Variants in KCNG4 observed in about 807,000 individuals in gnomAD.
KCNG4 encodes the protein potassium voltage-gated channel modifier subfamily G member 4.
KCNG4 carries 30 observed loss-of-function variants against 28.2 expected under a neutral mutation model. The observed-to-expected ratio is 1.06, with a 90% CI of 0.80 to 1.44. The LOEUF (loss-of-function observed/expected upper bound fraction) is 1.44, where lower values mean the gene tolerates loss of function less well. KCNG4 is among the 40% of genes most tolerant of loss of function. KCNG4 has a pLI of 0.00. For synonymous variants in KCNG4, 375 were observed against 315.5 expected, an observed-to-expected ratio of 1.19 and a Z score of -2.00; for missense variants, 879 against 712.3, an observed-to-expected ratio of 1.23 and a Z score of -2.66.
At position 84,222,135 on chromosome 16, in the gene KCNG4, G is replaced by A. The variant is rs1904576364; in HGVS notation, c.*82C>T. The A allele has an allele frequency of 1.4e-6, 2 of 1,383,640 alleles. No homozygotes were observed. The highest frequency in any genetic ancestry group is 1.4e-5 in the African/African-American group (1 of 70,182). The allele number at this position is 1,383,640 out of a possible 1,614,324, so 85.7% of individuals were successfully genotyped here. ...CCCTGGGCTCTAGAAACACCACCAGGTGGTCTATGCGGGGTACCCTTGAGT... is the reference window on the plus strand; with the variant it reads ...CCCTGGGCTCTAGAAACACCACCAGATGGTCTATGCGGGGTACCCTTGAGT... On this transcript the variant is annotated 3_prime_UTR_variant, in exon 3 of 3. Coordinates refer to ENST00000308251, the MANE Select transcript of KCNG4 (RefSeq NM_172347.3).
Position 84,237,260 on chromosome 16 carries a change from T to C in KCNG4, c.226A>G (p.Thr76Ala), listed in dbSNP as rs772226047. 1.2e-6 allele frequency: 2 copies of C among 1,613,440 alleles called. No homozygotes were observed. Among genetic ancestry groups the C allele is most frequent in the East Asian group, 2.2e-5 (1 of 44,860 alleles). The change falls in exon 2 of 3, where the codon ACA (threonine) becomes GCA (alanine). Residue 76 changes from threonine (T) to alanine (A), a missense_variant. Transcript: ENST00000308251. The stretch of plus-strand genomic sequence containing the variant: ...CGGCTCAGCGGGAACCGGTCCAGTG[T>C]GCTCCAGGGGAGGAGATACCTCCTG... ...GGRRYLLPWS[T>A]LDRFPLSRLS...
chr16:84,230,144 C>T (rs987697664), intron 2 of KCNG4, among the ~76,000 whole-genome samples: 1 of 152,114 alleles, frequency 6.6e-6, no homozygotes, highest in South Asian at 2.1e-4. Context: ...GTGGCTCAGG[C>T]CTATAATCCC....
At position 84,218,745 on chromosome 16, in the gene KCNG4, G is replaced by C. The variant is rs1904488156; in HGVS notation, c.*3472C>G. The C allele has an allele frequency of 6.6e-6, 1 of 152,214 alleles. No homozygotes were observed. Among genetic ancestry groups the C allele is most frequent in the Non-Finnish European group, 1.5e-5 (1 of 68,036 alleles). 9.4% of individuals were successfully genotyped at this position (152,214 alleles called of 1,614,324 possible). A position where few individuals can be genotyped will look rare whatever the true frequency, so the allele number is the denominator to read the frequency against. On this transcript the variant is annotated 3_prime_UTR_variant, in exon 3 of 3. Transcript: ENST00000308251. ...ATTCCAATTTTCCATGTCTAATTTA[G>C]CAGAGAATCTCAACTGGGTGAACAT...
In KCNG4 at chr16:84,230,488, C is replaced by T. The variant is rs574906803; in HGVS notation, c.756+6242G>A. The stretch of plus-strand genomic sequence containing the variant: ...TCAGGAGGCTGAGGCAGGAGAATGG[C>T]GTGAACCCGGGGGGCAGAGCTTACA... On this transcript the variant is annotated intron_variant, in intron 2 of 2. Transcript: ENST00000308251. Among the ~76,000 whole-genome samples the T allele has an allele frequency of 5.1e-4, 77 of 150,152 alleles. 1 individual carries two copies. The South Asian group carries it at 0.014, about 27-fold the overall frequency.
chr16:84,238,615 G>A (rs1449364653), intron 1 of KCNG4, among the ~76,000 whole-genome samples: 1 of 152,212 alleles, frequency 6.6e-6, no homozygotes, highest in African/African-American at 2.4e-5. Flanking sequence ...GTTCATGCCT[G>A]TAATCCCAGC....
At chr16:84,230,798 C>T (rs1567625858) in intron 2 of KCNG4, among the ~76,000 whole-genome samples, 1 of 152,326 alleles carries the variant, frequency 6.6e-6, no homozygotes, top group South Asian at 2.1e-4. Context: ...CCCTGAAAGC[C>T]CCAGGCAATG....
Position 84,226,981 on chromosome 16 carries a change from T to A in KCNG4, c.757-3961A>T, listed in dbSNP as rs1904712556. Among the ~76,000 whole-genome samples the A allele has an allele frequency of 6.6e-6, 1 of 152,136 alleles. No homozygotes were observed. Among genetic ancestry groups the A allele is most frequent in the Admixed American group, 6.5e-5 (1 of 15,286 alleles). ...GTTCCTTATATTATTCTATTTACCT[T>A]GTAAATGTCTGAAGTTCTCCATGAT... On this transcript the variant is annotated intron_variant, in intron 2 of 2. Coordinates refer to ENST00000308251, the MANE Select transcript of KCNG4 (RefSeq NM_172347.3). This position sits in a 1 kb window ranked among gnomAD's most constrained non-coding sequence, Gnocchi z 4.1.
chr16:84,234,681 G>A (rs974772804), intron 2 of KCNG4, among the ~76,000 whole-genome samples: 21 of 152,168 alleles, frequency 1.4e-4, no homozygotes, highest in Admixed American at 1.1e-3. Flanking sequence ...ATTCTTCAGC[G>A]TGGATGGTAT....
intron 2 of KCNG4, among the ~76,000 whole-genome samples, chr16:84,229,692 G>A (rs950448746): frequency 5.9e-5 from 9 of 152,170 alleles, no homozygotes; most frequent in Non-Finnish European, 1.0e-4. Flanking sequence ...GGGCATTTGC[G>A]GGGGGCTGGA....
At chr16:84,233,300 C>T (rs1378696171) in intron 2 of KCNG4, among the ~76,000 whole-genome samples, 1 of 152,152 alleles carries the variant, frequency 6.6e-6, no homozygotes, top group Non-Finnish European at 1.5e-5. Flanking sequence ...GACATCTGGC[C>T]TTCGCACCAT....
chr16:84,218,657 T>C lies in KCNG4; in HGVS notation c.*3560A>G, dbSNP rs1479534018. The C allele has an allele frequency of 6.6e-6, 1 of 152,212 alleles. No individual in the cohort carries two copies. The highest frequency in any genetic ancestry group is 1.5e-5 in the Non-Finnish European group (1 of 68,034). The allele number at this position is 152,212 out of a possible 1,614,324, so 9.4% of individuals were successfully genotyped here. ...TAGACTAAAACAATTTAGACCCGTC[T>C]CCTGGGACATTACCAGGGAGAAAAA... On this transcript the variant is annotated 3_prime_UTR_variant, in exon 3 of 3. Transcript: ENST00000308251.
chr16:84,237,447 T>C lies in KCNG4; in HGVS notation c.39A>G (p.Arg13=), dbSNP rs113902922. Reference sequence around the variant, plus strand: ...GGCTGTGGGAACCATAGTGGTGGTGTCTGGGATGCAGGCCCCCGTCTCTGG... The same window carrying C: ...GGCTGTGGGAACCATAGTGGTGGTGCCTGGGATGCAGGCCCCCGTCTCTGG... ...MPSRDGGLHP[R]HHHYGSHSPW... is the part of the protein sequence containing the mutation. The change falls in exon 2 of 3, where the codon AGA becomes AGG. Residue 13 remains arginine (R), a synonymous_variant. Transcript: ENST00000308251. The C allele has an allele frequency of 4.7e-6, 7 of 1,504,958 alleles. No individual in the cohort carries two copies. The African/African-American group carries it at 5.6e-5, about 12-fold the overall frequency. 93.2% of individuals were successfully genotyped at this position (1,504,958 alleles called of 1,614,324 possible).
At position 84,236,878 on chromosome 16, in the gene KCNG4, C is replaced by G; in HGVS notation, c.608G>C (p.Cys203Ser). Residue 203 changes from cysteine (C) to serine (S), a missense_variant, in exon 2 of 3, where the codon TGC becomes TCC. Cys to Ser is a moderately radical substitution (Grantham distance 112, BLOSUM62 -1). Coordinates refer to ENST00000308251, the MANE Select transcript of KCNG4 (RefSeq NM_172347.3). The part of the protein sequence containing the change: ...PASHSSRWGL[C>S]MNRLREMVEN... The stretch of plus-strand genomic sequence containing the variant: ...CACCATCTCGCGCAGCCGGTTCATG[C>G]ACAGGCCCCAGCGCGAGGAGTGCGA... 1 of 1,613,548 alleles carries G rather than the reference C, an allele frequency of 6.2e-7. No homozygotes were observed. The highest frequency in any genetic ancestry group is 1.3e-5 in the African/African-American group (1 of 75,066).
At chr16:84,225,282 T>C (rs563031044) in intron 2 of KCNG4, among the ~76,000 whole-genome samples, 1 of 152,142 alleles carries the variant, frequency 6.6e-6, no homozygotes, top group Admixed American at 6.5e-5. Flanking sequence ...GGGTTCTGAT[T>C]CCCCAGCCCT....
Position 84,233,113 on chromosome 16 carries a change from C to T in KCNG4, c.756+3617G>A, listed in dbSNP as rs139990178. Among the ~76,000 whole-genome samples, 203 of 152,260 alleles carry T rather than the reference C, an allele frequency of 1.3e-3. 2 individuals are homozygous for T. The highest frequency in any genetic ancestry group is 4.7e-3 in the African/African-American group (196 of 41,572). Reference sequence around the variant, plus strand: ...AATGATGATCAGTATGACGGACTTTCGCTGAGCACCTCCGTGTTTCGGCCT... The same window carrying T: ...AATGATGATCAGTATGACGGACTTTTGCTGAGCACCTCCGTGTTTCGGCCT... On this transcript the variant is annotated intron_variant, in intron 2 of 2. Coordinates refer to ENST00000308251, the MANE Select transcript of KCNG4 (RefSeq NM_172347.3).
chr16:84,227,172 G>T (rs529244677), intron 2 of KCNG4, among the ~76,000 whole-genome samples: 1 of 152,326 alleles, frequency 6.6e-6, no homozygotes, highest in East Asian at 1.9e-4. Context: ...GGCAGCGGCA[G>T]TGGAAACAGT....
rs1472845873 is a variant in KCNG4 at position 84,220,735 on chromosome 16, C to T, written c.*1482G>A. 1 of 152,278 alleles carries T rather than the reference C, an allele frequency of 6.6e-6. No individual in the cohort carries two copies. The highest frequency in any genetic ancestry group is 6.5e-5 in the Admixed American group (1 of 15,286). 9.4% of individuals were successfully genotyped at this position (152,278 alleles called of 1,614,324 possible). A position where few individuals can be genotyped will look rare whatever the true frequency, so the allele number is the denominator to read the frequency against. On this transcript the variant is annotated 3_prime_UTR_variant, in exon 3 of 3. Transcript: ENST00000308251. ...CATCAGGATGTCTCCAAGGTGTGTC[C>T]TGCTGGGAGAAGCCAGGATTTGACA...
chr16:84,225,305 C>T (rs1030489813), intron 2 of KCNG4, among the ~76,000 whole-genome samples: 2 of 152,078 alleles, frequency 1.3e-5, no homozygotes, highest in African/African-American at 4.8e-5. Flanking sequence ...TACAAACTTG[C>T]TGTGTGACTT....
At position 84,237,147 on chromosome 16, in the gene KCNG4, G is replaced by T. The variant is rs760604440; in HGVS notation, c.339C>A (p.Phe113Leu). Residue 113 changes from phenylalanine (F) to leucine (L), a missense_variant, in exon 2 of 3, where the codon TTC becomes TTA. Coordinates refer to ENST00000308251, the MANE Select transcript of KCNG4 (RefSeq NM_172347.3). The part of the protein sequence containing the change: ...DYDEDSQEFF[F>L]DRSPSAFGVI... ...CCCCGAAGGCGCTGGGGCTCCTGTCGAAGAAGAACTCCTGGCTGTCCTCGT... is the reference window on the plus strand; with the variant it reads ...CCCCGAAGGCGCTGGGGCTCCTGTCTAAGAAGAACTCCTGGCTGTCCTCGT... The T allele has an allele frequency of 3.1e-6, 5 of 1,614,100 alleles. No individual in the cohort carries two copies. In the Admixed American group the frequency reaches 5.0e-5, roughly 16 times the overall value.
Sources: allele counts gnomAD v4.1 joint callset (sites outside exome capture counted in the v4.1 genomes callset), GRCh38; gene constraint gnomAD v4.1.1; non-coding constraint Gnocchi (gnomAD v3.1); transcripts MANE v1.5; gene names NCBI Gene and HGNC (gene_info 2026-07-23, HGNC 2026-07-21).